NEK4: variants seen among roughly 807,000 people sequenced by gnomAD.
The protein encoded by NEK4 is NIMA related kinase 4, also known as serine/threonine-protein kinase Nek4.
NEK4 carries 86 observed loss-of-function variants against 98.4 expected under a neutral mutation model. That is an observed-to-expected ratio of 0.87 (90% confidence interval 0.73 to 1.05). The LOEUF (loss-of-function observed/expected upper bound fraction) is 1.05, where lower values mean the gene tolerates loss of function less well. Among genes scored for constraint, NEK4 ranks in the 50% least tolerant of loss-of-function variants. The probability of loss-of-function intolerance (pLI) is 0.00; values close to 1 mark genes in which losing one functional copy is unlikely to be tolerated. For synonymous variants in NEK4, 328 were observed against 342.2 expected, an observed-to-expected ratio of 0.96 and a Z score of 0.46; for missense variants, 898 against 950.3, an observed-to-expected ratio of 0.94 and a Z score of 0.72.
rs555240005 is a variant in NEK4, at chr3:52,739,587, T to A, written c.2141A>T (p.Gln714Leu). 6.2e-7 allele frequency: 1 copy of A among 1,614,078 alleles called. No individual in the cohort carries two copies. The highest frequency in any genetic ancestry group is 1.3e-5 in the African/African-American group (1 of 74,938). ...CTCTTTAGAATCCAGTTTCAGGGTC[T>A]GAGTCATCAATTGTACCAAGGCATT... ...EINALVQLMT[Q>L]TLKLDSKESC... Residue 714 changes from glutamine (Q) to leucine (L), a missense_variant, in exon 14 of 16, where the codon CAG (glutamine) becomes CTG (leucine). Gln to Leu is a moderately radical substitution (Grantham distance 113). Coordinates refer to ENST00000233027, the MANE Select transcript of NEK4 (RefSeq NM_003157.6).
intron 15 of NEK4, among the ~76,000 whole-genome samples, chr3:52,714,343 C>T (rs1364487860): frequency 1.3e-5 from 2 of 152,256 alleles, no homozygotes; most frequent in East Asian, 1.9e-4. Context: ...ATGGCAGTCA[C>T]GGGCCATCCG....
intron 6 of NEK4, among the ~76,000 whole-genome samples, chr3:52,752,933 T>TACACACACACACGCACACACAC (rs2097408131): frequency 1.3e-5 from 1 of 75,574 alleles, no homozygotes; most frequent in Non-Finnish European, 2.6e-5. Flanking sequence ...TATATATATA[T>TACACACACACACGCACACACAC]ACACACACAC....
rs1384356825 is a variant in NEK4 at position 52,709,568 on chromosome 3, G to T, written c.*2209C>A. 1 of 151,814 alleles carries T rather than the reference G, an allele frequency of 6.6e-6. No homozygotes were observed. Among genetic ancestry groups the T allele is most frequent in the Non-Finnish European group, 1.5e-5 (1 of 68,046 alleles). 9.4% of individuals were successfully genotyped at this position (151,814 alleles called of 1,614,324 possible). ...TTTTAAAAATTAGCCAGGTGTGGTG[G>T]TGCATGCCTGTGGTCCTAGCTACTT... On this transcript the variant is annotated 3_prime_UTR_variant, in exon 16 of 16. Transcript: ENST00000233027.
chr3:52,738,285 T>C (rs1259378848), intron 14 of NEK4, among the ~76,000 whole-genome samples: 3 of 152,004 alleles, frequency 2.0e-5, no homozygotes, highest in Non-Finnish European at 4.4e-5. Flanking sequence ...TCTTAAATTT[T>C]TTGCAGTGAT....
intron 15 of NEK4, among the ~76,000 whole-genome samples, chr3:52,724,190 G>A (rs917906036): frequency 4.0e-5 from 6 of 150,218 alleles, no homozygotes; most frequent in East Asian, 2.0e-4. Context: ...CCAAGATGGC[G>A]CCACCGCACT....
intron 5 of NEK4, among the ~76,000 whole-genome samples, chr3:52,762,388 C>T (rs1172545976): frequency 6.6e-6 from 1 of 151,762 alleles, no homozygotes; most frequent in Non-Finnish European, 1.5e-5. Context: ...TATTTGGCTG[C>T]TCCTTGAGAA....
intron 15 of NEK4, among the ~76,000 whole-genome samples, chr3:52,716,606 TTTC>T (rs1261636535): frequency 6.6e-6 from 1 of 152,220 alleles, no homozygotes; most frequent in Non-Finnish European, 1.5e-5. Flanking sequence ...TTGTTCTTTT[TTTC>T]TTCTTTATCC....
chr3:52,770,846 G>GGGCGGCTGTTGA lies in NEK4; in HGVS notation c.-112_-101dup, dbSNP rs1698757450. 1 of 1,093,648 alleles carries GGGCGGCTGTTGA rather than the reference G, an allele frequency of 9.1e-7. No individual in the cohort carries two copies. The highest frequency in any genetic ancestry group is 2.0e-5 in the Admixed American group (1 of 49,444). The allele number at this position is 1,093,648 out of a possible 1,614,324, so 67.7% of individuals were successfully genotyped here. ...GTTCATGCCCGAGAGGGGGCAGTGG[G>GGGCGGCTGTTGA]GGCGGCTGTTGAGGCAGCCGGGCCC... is the stretch of plus-strand genomic sequence containing the variant. On this transcript the variant is annotated 5_prime_UTR_variant, in exon 1 of 16. Coordinates refer to ENST00000233027, the MANE Select transcript of NEK4 (RefSeq NM_003157.6).
chr3:52,720,722 G>A (rs1190488211), intron 15 of NEK4, among the ~76,000 whole-genome samples: 1 of 152,200 alleles, frequency 6.6e-6, no homozygotes, highest in Non-Finnish European at 1.5e-5. Context: ...AACAAAAGCA[G>A]AGAATGTGTG....
chr3:52,748,765 T>C (rs1272525328), intron 8 of NEK4, among the ~76,000 whole-genome samples: 4 of 152,080 alleles, frequency 2.6e-5, no homozygotes, highest in African/African-American at 7.2e-5. Context: ...TAAAAGTACT[T>C]AGGACTATGT....
intron 15 of NEK4, chr3:52,733,847 C>G (rs527996247): frequency 5.6e-6 from 2 of 357,094 alleles, no homozygotes; most frequent in Non-Finnish European, 1.1e-5. Flanking sequence ...AGAGAATTCA[C>G]TGCACACCTT....
chr3:52,734,472 A>G (rs1449486814), intron 15 of NEK4, among the ~76,000 whole-genome samples: 2 of 150,878 alleles, frequency 1.3e-5, no homozygotes, highest in East Asian at 1.9e-4. Flanking sequence ...AAAAAGATCG[A>G]GACCATCCTG....
intron 6 of NEK4, among the ~76,000 whole-genome samples, chr3:52,756,544 T>C (rs2097415420): frequency 6.6e-6 from 1 of 152,194 alleles, no homozygotes; most frequent in Non-Finnish European, 1.5e-5. Flanking sequence ...AAAAGCTAGA[T>C]ATCCATATAC....
At chr3:52,767,570 T>A (rs1698616811) in intron 2 of NEK4, among the ~76,000 whole-genome samples, 1 of 151,106 alleles carries the variant, frequency 6.6e-6, no homozygotes, top group South Asian at 2.1e-4. Context: ...AAAAAAAAAT[T>A]AGCCAGGTAT....
At position 52,746,879 on chromosome 3, in the gene NEK4, A is replaced by G. The variant is rs761934347; in HGVS notation, c.1532T>C (p.Ile511Thr). 9.9e-6 allele frequency: 16 copies of G among 1,613,646 alleles called. No individual in the cohort carries two copies. Among genetic ancestry groups the G allele is most frequent in the African/African-American group, 1.3e-5 (1 of 74,908 alleles). Residue 511 changes from isoleucine to threonine, a missense_variant, in exon 9 of 16, where the codon ATA becomes ACA. Physicochemically the swap from Ile to Thr is moderately conservative, Grantham distance 89. Coordinates refer to ENST00000233027, the MANE Select transcript of NEK4 (RefSeq NM_003157.6). The stretch of plus-strand genomic sequence containing the variant: ...TGGGTGGATTCTGCCCTGTTTTTCT[A>G]TAATACATTCACCAGCAACTTGATC... ...AQDQVAGECIIEKQGRIHPDL... is the reference protein window; with the variant it reads ...AQDQVAGECITEKQGRIHPDL...
At chr3:52,731,924 A>G (rs991397356) in intron 15 of NEK4, among the ~76,000 whole-genome samples, 1 of 152,198 alleles carries the variant, frequency 6.6e-6, no homozygotes, top group African/African-American at 2.4e-5. Context: ...GATAGTGAGT[A>G]AGTCTCACGA....
chr3:52,715,218 C>T (rs1464118054), intron 15 of NEK4, among the ~76,000 whole-genome samples: 3 of 152,212 alleles, frequency 2.0e-5, no homozygotes, highest in African/African-American at 7.2e-5. Context: ...TTTAAGTCCC[C>T]TAAAAGCCCT....
chr3:52,729,379 G>A (rs2097367482), intron 15 of NEK4, among the ~76,000 whole-genome samples: 1 of 151,946 alleles, frequency 6.6e-6, no homozygotes. Context: ...ACTCCAGCCT[G>A]GGGGATGGAG....
chr3:52,719,192 C>T (rs998250496), intron 15 of NEK4, among the ~76,000 whole-genome samples: 12 of 152,200 alleles, frequency 7.9e-5, no homozygotes, highest in African/African-American at 2.9e-4. Flanking sequence ...GTTAATTGGA[C>T]TCTGCAAGCA....
Sources: allele counts gnomAD v4.1 joint callset (sites outside exome capture counted in the v4.1 genomes callset), GRCh38; gene constraint gnomAD v4.1.1; transcripts MANE v1.5; gene names NCBI Gene and HGNC (gene_info 2026-07-23, HGNC 2026-07-21).